Variants in ARFGEF2 observed in about 807,000 individuals in gnomAD.
ARFGEF2 encodes ARF guanine nucleotide exchange factor 2.
Under a neutral mutation model 219.9 loss-of-function variants are expected in ARFGEF2, and 74 were observed. The observed-to-expected ratio is 0.34, with a 90% CI of 0.28 to 0.41. The LOEUF is 0.41. ARFGEF2 is among the 10% of genes least tolerant of loss of function. The probability of loss-of-function intolerance (pLI) is 1.00; values close to 1 mark genes in which losing one functional copy is unlikely to be tolerated. For synonymous variants in ARFGEF2, 733 were observed against 799.2 expected (o/e 0.92, Z 1.40); for missense variants, 1,743 against 2,218.3 (o/e 0.79, Z 4.30).
At chr20:48,994,740 T>C in intron 22 of ARFGEF2, 142 bp downstream of exon 22, 1 of 1,269,092 alleles carries the variant, frequency 7.9e-7, no homozygotes, top group South Asian at 1.3e-5. Flanking sequence ...CAAGTGGACG[T>C]GCTGCTTTGG....
chr20:48,937,671 C>T (rs2090967363), intron 1 of ARFGEF2, among the ~76,000 whole-genome samples: 1 of 152,210 alleles, frequency 6.6e-6, no homozygotes, highest in South Asian at 2.1e-4. Context: ...GGATTTGCAA[C>T]TGGAGTTTCT....
At chr20:48,992,706 C>G (rs2123469084) in intron 21 of ARFGEF2, among the ~76,000 whole-genome samples, 1 of 152,300 alleles carries the variant, frequency 6.6e-6, no homozygotes, top group Middle Eastern at 3.4e-3. Flanking sequence ...CTTCACCAGC[C>G]TTTCCTCTCT....
intron 14 of ARFGEF2, among the ~76,000 whole-genome samples, chr20:48,977,504 G>A (rs749257166): frequency 3.3e-5 from 5 of 152,142 alleles, no homozygotes; most frequent in South Asian, 2.1e-4. Context: ...TAATGGGATC[G>A]CTGAGTCAAA....
chr20:49,010,449 C>T lies in ARFGEF2; in HGVS notation c.3757+45C>T, dbSNP rs771073045. 2.5e-6 allele frequency: 4 copies of T among 1,603,926 alleles called. No individual in the cohort carries two copies. The Admixed American group carries it at 5.0e-5, about 20-fold the overall frequency. On this transcript the variant is annotated intron_variant, in intron 27 of 38. Transcript: ENST00000371917. ...CCCTACTAATGTCCCACCTGCAAGT[C>T]TAGAAGAGTGTCACTTGCTGTCTAT...
intron 2 of ARFGEF2, 103 bp downstream of exon 2, chr20:48,941,332 C>T: frequency 1.6e-6 from 2 of 1,228,626 alleles, no homozygotes; most frequent in Non-Finnish European, 2.4e-6. Context: ...TTCTAATCCT[C>T]AGGGGTGGCA....
chr20:49,018,637 A>G (rs1322416232), intron 33 of ARFGEF2, among the ~76,000 whole-genome samples: 1 of 152,250 alleles, frequency 6.6e-6, no homozygotes, highest in Non-Finnish European at 1.5e-5. Context: ...CCTAATATGT[A>G]GAGAAATGTC....
chr20:48,934,119 C>CA (rs11476863), intron 1 of ARFGEF2, among the ~76,000 whole-genome samples: 2,634 of 55,974 alleles, frequency 0.047, 90 homozygotes, highest in South Asian at 0.076. Flanking sequence ...GACTTCATCT[C>CA]AAAAAAAAAA....
chr20:48,984,626 G>A, intron 14 of ARFGEF2, 103 bp from the exon 15 acceptor site: 2 of 1,427,146 alleles, frequency 1.4e-6, no homozygotes, highest in Non-Finnish European at 2.0e-6. Context: ...TATACGTGAT[G>A]GCATGTTCAT....
chr20:48,969,867 A>C (rs1417554650), intron 9 of ARFGEF2, among the ~76,000 whole-genome samples: 2 of 152,244 alleles, frequency 1.3e-5, no homozygotes, highest in African/African-American at 4.8e-5. Flanking sequence ...GGGAATATGG[A>C]AAATCATCTT....
chr20:49,005,651 T>C (rs976759008), intron 26 of ARFGEF2, among the ~76,000 whole-genome samples: 9 of 139,444 alleles, frequency 6.5e-5, no homozygotes, highest in Non-Finnish European at 1.5e-5. Flanking sequence ...GGCAGGAGAA[T>C]GGCGTGAACT....
chr20:49,019,420 G>T (rs376736199), intron 34 of ARFGEF2, among the ~76,000 whole-genome samples: 1 of 152,092 alleles, frequency 6.6e-6, no homozygotes, highest in African/African-American at 2.4e-5. Context: ...GAGCTTTCAC[G>T]TTGTTTTATA....
At chr20:48,950,291 C>T (rs990730467) in intron 3 of ARFGEF2, among the ~76,000 whole-genome samples, 4 of 151,984 alleles carry the variant, frequency 2.6e-5, no homozygotes, top group African/African-American at 9.7e-5. Context: ...AATACACTGA[C>T]AGGATTCAAC....
intron 14 of ARFGEF2, among the ~76,000 whole-genome samples, chr20:48,981,915 G>T (rs574388037): frequency 2.1e-4 from 32 of 152,124 alleles, no homozygotes; most frequent in Non-Finnish European, 4.3e-4. Context: ...GCTTCCTTGC[G>T]ATGGGTTCGA....
At chr20:48,935,288 G>A (rs999516373) in intron 1 of ARFGEF2, among the ~76,000 whole-genome samples, 177 of 152,188 alleles carry the variant, frequency 1.2e-3, no homozygotes, top group African/African-American at 4.1e-3. Flanking sequence ...AGGGAGTGGT[G>A]ATGACTCTTA....
chr20:48,942,015 A>G (rs752620563), intron 3 of ARFGEF2, 28 bp downstream of exon 3: 3 of 1,613,626 alleles, frequency 1.9e-6, no homozygotes, highest in South Asian at 1.1e-5. Context: ...CGTGTTGTCA[A>G]GGGGGTTCTC....
At chr20:48,969,452 A>G (rs143413301) in intron 9 of ARFGEF2, among the ~76,000 whole-genome samples, 175 bp downstream of exon 9, 41 of 152,360 alleles carry the variant, frequency 2.7e-4, no homozygotes, top group African/African-American at 8.9e-4. Context: ...GTCCTTTCAT[A>G]TGGAATTGTC....
chr20:48,950,994 G>A (rs886603499), intron 3 of ARFGEF2, among the ~76,000 whole-genome samples: 11 of 151,002 alleles, frequency 7.3e-5, no homozygotes, highest in East Asian at 1.9e-4. Flanking sequence ...TCCCTACGCC[G>A]CCCCCCTAAC....
chr20:49,029,262 A>T (rs1381303917), intron 37 of ARFGEF2, among the ~76,000 whole-genome samples: 1 of 152,208 alleles, frequency 6.6e-6, no homozygotes, highest in Non-Finnish European at 1.5e-5. Flanking sequence ...TCTAAGGTAT[A>T]AAAACAGTAA....
intron 1 of ARFGEF2, among the ~76,000 whole-genome samples, chr20:48,927,404 C>T (rs1308560026): frequency 1.3e-5 from 2 of 152,174 alleles, no homozygotes; most frequent in Non-Finnish European, 2.9e-5. Flanking sequence ...ATTGATGTAA[C>T]GTGGCGGGGC....
Sources: allele counts gnomAD v4.1 joint callset (sites outside exome capture counted in the v4.1 genomes callset), GRCh38; gene constraint gnomAD v4.1.1; transcripts MANE v1.5; gene names NCBI Gene and HGNC (gene_info 2026-07-23, HGNC 2026-07-21).